The following GALNT8 variants were observed in gnomAD, a reference collection of about 807,000 sequenced individuals.
GALNT8 encodes polypeptide N-acetylgalactosaminyltransferase 8, also known as probable polypeptide N-acetylgalactosaminyltransferase 8.
In GALNT8, 66 loss-of-function variants were observed where a neutral mutation model predicts 62.7. The ratio of observed to expected loss-of-function variants is 1.05; its 90% confidence interval spans 0.86 to 1.29. The LOEUF (loss-of-function observed/expected upper bound fraction) is 1.29. Among genes scored for constraint, GALNT8 ranks in the 50% most tolerant of loss-of-function variants. GALNT8 has a pLI of 0.00. For synonymous variants in GALNT8, 288 were observed against 294.3 expected, an observed-to-expected ratio of 0.98 and a Z score of 0.22; for missense variants, 771 against 791.8, an observed-to-expected ratio of 0.97 and a Z score of 0.32.
intron 2 of GALNT8, among the ~76,000 whole-genome samples, chr12:4,736,227 C>T (rs1364597713): frequency 6.6e-6 from 1 of 152,172 alleles, no homozygotes; most frequent in Non-Finnish European, 1.5e-5. Flanking sequence ...CCCACCAGCA[C>T]TAGGGGCTTA....
In GALNT8 at chr12:4,726,649, A is replaced by C; in HGVS notation, c.329A>C (p.Lys110Thr). 1.2e-6 allele frequency: 2 copies of C among 1,613,944 alleles called. No individual in the cohort carries two copies. The highest frequency in any genetic ancestry group is 1.7e-6 in the Non-Finnish European group (2 of 1,179,938). ...KAMETKVNET[K>T]KHKTQMKLFP... is the part of the protein sequence containing the mutation. ...ATGGAAACCAAGGTGAATGAGACAA[A>C]GAAGCACAAAACCCAAATGAAACTC... The change falls in exon 2 of 11, where the codon AAG becomes ACG. Residue 110 changes from lysine (K) to threonine (T), a missense_variant. By Grantham distance (78) the Lys-to-Thr change is moderately conservative (BLOSUM62 -1). Coordinates refer to ENST00000252318, the MANE Select transcript of GALNT8 (RefSeq NM_017417.2). This position sits in a 1 kb window ranked among gnomAD's most constrained non-coding sequence, Gnocchi z 4.1.
chr12:4,746,100 G>T (rs372223341), intron 5 of GALNT8, 44 bp from the exon 6 acceptor site: 1 of 1,144,014 alleles, frequency 8.7e-7, no homozygotes, highest in African/African-American at 1.5e-5. Context: ...CCTCGCCTCC[G>T]CTCCTTATGG....
chr12:4,728,488 A>G (rs1946206358), intron 2 of GALNT8, among the ~76,000 whole-genome samples: 1 of 152,086 alleles, frequency 6.6e-6, no homozygotes, highest in South Asian at 2.1e-4. Context: ...TAAGAATTTT[A>G]TAGTTTCAGT....
chr12:4,736,283 A>G (rs1305220483), intron 2 of GALNT8, among the ~76,000 whole-genome samples: 1 of 152,184 alleles, frequency 6.6e-6, no homozygotes, highest in Non-Finnish European at 1.5e-5. Flanking sequence ...AACTACTCTG[A>G]CTCAGAGGCA....
In GALNT8 at chr12:4,749,014, G is replaced by T. The variant is rs1467631809; in HGVS notation, c.1173+2756G>T. 6.6e-6 allele frequency among the ~76,000 whole-genome samples: 1 copy of T among 152,094 alleles called. No individual in the cohort carries two copies. The highest frequency in any genetic ancestry group is 1.5e-5 in the Non-Finnish European group (1 of 67,992). ...ACTTTTAAAGATTTCTTTTCAGATT[G>T]TTCACTATTGGCATAGAAATGCTAC... On this transcript the variant is annotated intron_variant, in intron 6 of 10. Coordinates refer to ENST00000252318, the MANE Select transcript of GALNT8 (RefSeq NM_017417.2). The surrounding 1 kb of genome is among the most constrained non-coding windows in gnomAD (Gnocchi z 4.1).
intron 10 of GALNT8, among the ~76,000 whole-genome samples, chr12:4,771,947 G>T (rs183453068): frequency 6.6e-6 from 1 of 152,184 alleles, no homozygotes; most frequent in Non-Finnish European, 1.5e-5. Flanking sequence ...AAACCTTAGC[G>T]AAGTCCCCTC....
chr12:4,743,623 A>C (rs1405499412), intron 3 of GALNT8, among the ~76,000 whole-genome samples: 3 of 152,190 alleles, frequency 2.0e-5, no homozygotes, highest in African/African-American at 4.8e-5. Flanking sequence ...TCTGGTGGCT[A>C]AACACAGCAT....
At chr12:4,744,793 A>C in intron 4 of GALNT8, 93 bp downstream of exon 4, 1 of 804,966 alleles carries the variant, frequency 1.2e-6, no homozygotes, top group Non-Finnish European at 1.9e-6. Context: ...GGACACAGGG[A>C]AAGTCAGCAC....
At position 4,726,211 on chromosome 12, in the gene GALNT8, A is replaced by C. The variant is rs1468157712; in HGVS notation, c.212-321A>C. Among the ~76,000 whole-genome samples, 1 of 152,176 alleles carries C rather than the reference A, an allele frequency of 6.6e-6. No homozygotes were observed. Among genetic ancestry groups the C allele is most frequent in the African/African-American group, 2.4e-5 (1 of 41,440 alleles). On this transcript the variant is annotated intron_variant, in intron 1 of 10. Transcript: ENST00000252318. This position sits in a 1 kb window ranked among gnomAD's most constrained non-coding sequence, Gnocchi z 4.1. ...ATTGATTCTGATGTAAGTGGTTCTC[A>C]GGCCTCATTCTGAAAAACATTAGCT...
chr12:4,730,566 T>C (rs1312726941), intron 2 of GALNT8, among the ~76,000 whole-genome samples: 1 of 152,240 alleles, frequency 6.6e-6, no homozygotes, highest in Non-Finnish European at 1.5e-5. Flanking sequence ...GTTCCACTAC[T>C]CTATGTCTGT....
chr12:4,745,777 C>A (rs1946296258), intron 5 of GALNT8, 151 bp downstream of exon 5: 3 of 647,950 alleles, frequency 4.6e-6, no homozygotes, highest in East Asian at 2.7e-5. Context: ...AGGGAAAAAA[C>A]CCCAATAAGT....
intron 10 of GALNT8, among the ~76,000 whole-genome samples, chr12:4,770,805 T>G (rs1028562156): frequency 6.6e-6 from 1 of 152,080 alleles, no homozygotes; most frequent in African/African-American, 2.4e-5. Context: ...AAACTGAATG[T>G]TTGTTGAAAG....
chr12:4,730,465 G>A (rs1328185558), intron 2 of GALNT8, among the ~76,000 whole-genome samples: 1 of 152,138 alleles, frequency 6.6e-6, no homozygotes, highest in East Asian at 1.9e-4. Flanking sequence ...TTATTGAAGA[G>A]GCAGTCCTCT....
rs1946353294 is a variant in GALNT8, at chr12:4,758,111, T to C, written c.1174-2847T>C. ...ATTTTGTGATTTTTAAAATGGACTT[T>C]GCTTAAAATATAGGGTCATCCTTTT... is the stretch of plus-strand genomic sequence containing the variant. On this transcript the variant is annotated intron_variant, in intron 6 of 10. Coordinates refer to ENST00000252318, the MANE Select transcript of GALNT8 (RefSeq NM_017417.2). Among the ~76,000 whole-genome samples the C allele has an allele frequency of 2.6e-5, 4 of 152,232 alleles. No homozygotes were observed. In the South Asian group the frequency reaches 8.3e-4, roughly 32 times the overall value.
intron 6 of GALNT8, among the ~76,000 whole-genome samples, chr12:4,751,348 C>A (rs2137535569): frequency 6.6e-6 from 1 of 152,234 alleles, no homozygotes; most frequent in Non-Finnish European, 1.5e-5. Context: ...CTTTAAGATG[C>A]ATCATTAGAT....
At chr12:4,725,553 CTTTTTTTT>C (rs747460695) in intron 1 of GALNT8, among the ~76,000 whole-genome samples, 4 of 119,696 alleles carry the variant, frequency 3.3e-5, no homozygotes, top group Non-Finnish European at 5.0e-5. Flanking sequence ...TGAAGACATT[CTTTTTTTT>C]TTTTTTTTTT....
At position 4,745,575 on chromosome 12, in the gene GALNT8, A is replaced by G. The variant is rs1411607350; in HGVS notation, c.1007A>G (p.Asp336Gly). ...AACTGGGAACTCTGGTGCCGCTACG[A>G]TGCACTGCCACAAGCCTGGATTGAT... Reference protein sequence around the residue: ...GFNWELWCRYDALPQAWIDLH... With the variant: ...GFNWELWCRYGALPQAWIDLH... Residue 336 changes from aspartate (D) to glycine (G), a missense_variant, in exon 5 of 11, where the codon GAT (aspartate) becomes GGT (glycine). Physicochemically the swap from Asp to Gly is moderately conservative, Grantham distance 94. Transcript: ENST00000252318. 1.2e-6 allele frequency: 2 copies of G among 1,613,894 alleles called. No individual in the cohort carries two copies. Among genetic ancestry groups the G allele is most frequent in the African/African-American group, 1.3e-5 (1 of 74,914 alleles).
chr12:4,763,333 C>T lies in GALNT8; in HGVS notation c.1440C>T (p.Tyr480=), dbSNP rs758180784. ...EKLKCKTFDW[Y]LKNVYPLLKP... is the part of the protein sequence containing the mutation. ...TGAAATGTAAAACTTTTGACTGGTACCTGAAAAATGTTTATCCACTCTTGA... is the reference window on the plus strand; with the variant it reads ...TGAAATGTAAAACTTTTGACTGGTATCTGAAAAATGTTTATCCACTCTTGA... The change falls in exon 8 of 11, where the codon TAC becomes TAT. Residue 480 remains tyrosine, a synonymous_variant. Coordinates refer to ENST00000252318, the MANE Select transcript of GALNT8 (RefSeq NM_017417.2). The T allele has an allele frequency of 6.8e-6, 11 of 1,611,876 alleles. No homozygotes were observed. In the African/African-American group the frequency reaches 1.5e-4, roughly 22 times the overall value.
chr12:4,720,625 T>A lies in GALNT8; in HGVS notation c.-53T>A. The stretch of plus-strand genomic sequence containing the variant: ...AGGCTGGTTCTGATTCTTAACCTGC[T>A]CCAGCAGTGACACACTCAGTCCCAC... On this transcript the variant is annotated 5_prime_UTR_variant, in exon 1 of 11. Transcript: ENST00000252318. The A allele has an allele frequency of 8.8e-7, 1 of 1,142,392 alleles. No individual in the cohort carries two copies. The highest frequency in any genetic ancestry group is 1.3e-6 in the Non-Finnish European group (1 of 749,812). 70.8% of individuals were successfully genotyped at this position (1,142,392 alleles called of 1,614,324 possible).
Sources: gnomAD v4.1 joint callset for allele counts (sites outside exome capture counted in the v4.1 genomes callset) on GRCh38, gnomAD v4.1.1 for gene constraint, Gnocchi (gnomAD v3.1) non-coding constraint, MANE v1.5 for transcripts, NCBI Gene and HGNC (gene_info 2026-07-23, HGNC 2026-07-21) for gene names.